The following PHLPP1 variants were observed in gnomAD, a reference collection of about 807,000 sequenced individuals.
The protein encoded by PHLPP1 is PH domain and leucine rich repeat protein phosphatase 1, also known as PH domain leucine-rich repeat-containing protein phosphatase 1.
Under a neutral mutation model 117.2 loss-of-function variants are expected in PHLPP1, and 42 were observed. That is an observed-to-expected ratio of 0.36 (90% confidence interval 0.28 to 0.46). The LOEUF is 0.46. Among genes scored for constraint, PHLPP1 ranks in the 20% least tolerant of loss-of-function variants. PHLPP1 has a pLI of 1.00. For synonymous variants in PHLPP1, 1,042 were observed against 970.7 expected, an observed-to-expected ratio of 1.07 and a Z score of -1.37; for missense variants, 2,084 against 2,241.9, an observed-to-expected ratio of 0.93 and a Z score of 1.42.
intron 10 of PHLPP1, among the ~76,000 whole-genome samples, chr18:62,922,838 C>T (rs757250438): frequency 1.4e-4 from 21 of 152,126 alleles, no homozygotes; most frequent in Non-Finnish European, 2.9e-4. Flanking sequence ...TGTGTTTGGA[C>T]AAGGATTTAA....
chr18:62,743,872 T>G (rs1911602827), intron 1 of PHLPP1, among the ~76,000 whole-genome samples: 1 of 152,166 alleles, frequency 6.6e-6, no homozygotes, highest in South Asian at 2.1e-4. Context: ...TGTGACTGCA[T>G]CTCTGTGGTG....
chr18:62,715,767 TGCGGCAGCAGCAGCAGCA>T lies in PHLPP1; in HGVS notation c.90_107del (p.Ala35_Ala40del), dbSNP rs1599008988. ...GAGCTTCGGCTCCGGCGGCCGCCGC[TGCGGCAGCAGCAGCAGCA>T]GCGGCGGCCGCGGCGGCTCTGGCGG... On this transcript the variant is annotated inframe_deletion, in exon 1 of 17. Transcript: ENST00000262719. 8 of 703,462 alleles carry T rather than the reference TGCGGCAGCAGCAGCAGCA, an allele frequency of 1.1e-5. No individual in the cohort carries two copies. Among genetic ancestry groups the T allele is most frequent in the Middle Eastern group, 6.5e-4 (1 of 1,544 alleles). The allele number at this position is 703,462 out of a possible 1,614,324, so 43.6% of individuals were successfully genotyped here.
At chr18:62,880,119 A>G (rs533637430) in intron 4 of PHLPP1, among the ~76,000 whole-genome samples, 3 of 152,316 alleles carry the variant, frequency 2.0e-5, no homozygotes, top group South Asian at 4.1e-4. Context: ...CTTTGTGCAT[A>G]GTAAGAACTC....
intron 3 of PHLPP1, among the ~76,000 whole-genome samples, chr18:62,854,084 T>C (rs1487235907): frequency 6.6e-6 from 1 of 152,230 alleles, no homozygotes; most frequent in Admixed American, 6.5e-5. Context: ...TGTTCCTACC[T>C]ACCCCACATA....
At chr18:62,810,547 A>T (rs946315096) in intron 1 of PHLPP1, among the ~76,000 whole-genome samples, 1 of 152,164 alleles carries the variant, frequency 6.6e-6, no homozygotes. Context: ...ACAGTAAGAG[A>T]TTAACAACAA....
rs1168861892 is a variant in PHLPP1, at chr18:62,766,060, C to CAAAAAA, written c.1576+48813_1576+48818dup. 3.4e-3 allele frequency among the ~76,000 whole-genome samples: 51 copies of CAAAAAA among 15,222 alleles called. 6 individuals are homozygous for CAAAAAA. Among genetic ancestry groups the CAAAAAA allele is most frequent in the East Asian group, 0.01 (3 of 294 alleles). The allele number at this position is 15,222 out of a possible 152,430, so 10.0% of individuals were successfully genotyped here. On this transcript the variant is annotated intron_variant, in intron 1 of 16. Transcript: ENST00000262719. ...TGGGCGACAGAGCTAGACTCCATCT[C>CAAAAAA]AAAAAAAAAAAAAAAAATATATATA...
chr18:62,763,419 CT>C (rs1235271595), intron 1 of PHLPP1, among the ~76,000 whole-genome samples: 2 of 152,310 alleles, frequency 1.3e-5, no homozygotes, highest in East Asian at 1.9e-4. Flanking sequence ...CCCTGGACAT[CT>C]GCTGTCTTCA....
chr18:62,716,211 G>T lies in PHLPP1; in HGVS notation c.528G>T (p.Thr176=). The T allele has an allele frequency of 6.5e-7, 1 of 1,528,076 alleles. No homozygotes were observed. The highest frequency in any genetic ancestry group is 8.7e-7 in the Non-Finnish European group (1 of 1,143,282). 94.7% of individuals were successfully genotyped at this position (1,528,076 alleles called of 1,614,324 possible). Reference sequence around the variant, plus strand: ...GCACCCGGAGCCTGGACAGGAAGACGCTGCTTCTGAAGCACCGGCAGACGC... The same window carrying T: ...GCACCCGGAGCCTGGACAGGAAGACTCTGCTTCTGAAGCACCGGCAGACGC... The part of the protein sequence containing the change: ...SLCTRSLDRK[T]LLLKHRQTLQ... The change falls in exon 1 of 17, where the codon ACG becomes ACT. Residue 176 remains threonine (T), a synonymous_variant. Coordinates refer to ENST00000262719, the MANE Select transcript of PHLPP1 (RefSeq NM_194449.4). The surrounding 1 kb of genome is among the most constrained non-coding windows in gnomAD (Gnocchi z 5.7).
intron 1 of PHLPP1, among the ~76,000 whole-genome samples, chr18:62,748,979 A>C (rs936089776): frequency 1.3e-5 from 2 of 152,180 alleles, no homozygotes; most frequent in Non-Finnish European, 2.9e-5. Flanking sequence ...TTTAACTTCA[A>C]AATGTCACAT....
intron 1 of PHLPP1, among the ~76,000 whole-genome samples, chr18:62,780,249 G>A (rs990289168): frequency 1.3e-5 from 2 of 148,798 alleles, no homozygotes; most frequent in Admixed American, 1.4e-4. Flanking sequence ...TTCAGTTTTT[G>A]TTTGTTTTCA....
chr18:62,826,138 C>G (rs973275819), intron 1 of PHLPP1: 60 of 269,628 alleles, frequency 2.2e-4, no homozygotes, highest in African/African-American at 1.3e-3. Context: ...AATCTGATGT[C>G]TGTGCATATT....
intron 4 of PHLPP1, among the ~76,000 whole-genome samples, chr18:62,885,680 C>A (rs1441689648): frequency 1.3e-5 from 2 of 151,934 alleles, no homozygotes; most frequent in Non-Finnish European, 2.9e-5. Flanking sequence ...CAAAACAAAA[C>A]AAAAAAACTT....
At chr18:62,923,830 G>A (rs1180242695) in intron 10 of PHLPP1, among the ~76,000 whole-genome samples, 2 of 152,160 alleles carry the variant, frequency 1.3e-5, no homozygotes, top group Admixed American at 1.3e-4. Flanking sequence ...CGGAAAACAT[G>A]AAATTTAAAA....
At chr18:62,758,609 A>G (rs1912107758) in intron 1 of PHLPP1, among the ~76,000 whole-genome samples, 1 of 152,190 alleles carries the variant, frequency 6.6e-6, no homozygotes, top group East Asian at 1.9e-4. Context: ...TGTTGAGTGG[A>G]TTGGTCTGAG....
chr18:62,754,326 G>C (rs1911945587), intron 1 of PHLPP1, among the ~76,000 whole-genome samples: 1 of 152,210 alleles, frequency 6.6e-6, no homozygotes, highest in Non-Finnish European at 1.5e-5. Context: ...GGGCATGTCT[G>C]TGTGTGCACA....
At chr18:62,758,094 C>T (rs1389853930) in intron 1 of PHLPP1, among the ~76,000 whole-genome samples, 1 of 152,122 alleles carries the variant, frequency 6.6e-6, no homozygotes, top group Admixed American at 6.5e-5. Context: ...GCCTTTTTCT[C>T]CAAGTGCTCT....
At chr18:62,773,511 G>A (rs1912858906) in intron 1 of PHLPP1, among the ~76,000 whole-genome samples, 1 of 152,172 alleles carries the variant, frequency 6.6e-6, no homozygotes, top group Non-Finnish European at 1.5e-5. Flanking sequence ...GTTCGTTTGT[G>A]TGTTTTCTTT....
intron 12 of PHLPP1, among the ~76,000 whole-genome samples, chr18:62,957,128 C>T (rs1425109575): frequency 9.9e-5 from 15 of 152,132 alleles, no homozygotes; most frequent in Non-Finnish European, 4.4e-5. Context: ...ATGCTCTCCA[C>T]CCCATACTAT....
intron 13 of PHLPP1, among the ~76,000 whole-genome samples, chr18:62,961,281 C>T (rs915307661): frequency 2.0e-5 from 3 of 152,016 alleles, no homozygotes; most frequent in Non-Finnish European, 2.9e-5. Context: ...GCAGCAAGAG[C>T]GAAACTCCGT....
Sources: allele counts gnomAD v4.1 joint callset (sites outside exome capture counted in the v4.1 genomes callset), GRCh38; gene constraint gnomAD v4.1.1; non-coding constraint Gnocchi (gnomAD v3.1); transcripts MANE v1.5; gene names NCBI Gene and HGNC (gene_info 2026-07-23, HGNC 2026-07-21).